The following GRIN3A variants were observed in gnomAD, a reference collection of about 807,000 sequenced individuals.
GRIN3A encodes glutamate receptor ionotropic, NMDA 3A.
GRIN3A carries 47 observed loss-of-function variants against 92.4 expected under a neutral mutation model. The ratio of observed to expected loss-of-function variants is 0.51; its 90% CI spans 0.40 to 0.65. The LOEUF (loss-of-function observed/expected upper bound fraction) is 0.65. Ranked by LOEUF, GRIN3A falls within the 30% of genes least tolerant of loss-of-function variation. The pLI, the probability that GRIN3A is intolerant of heterozygous loss-of-function variation, is 0.00. For missense variants in GRIN3A, 1,324 were observed against 1,393.1 expected (o/e 0.95, Z 0.79); for synonymous variants, 527 against 540.6 (o/e 0.97, Z 0.35).
chr9:101,658,098 G>GA (rs1411307396), intron 3 of GRIN3A, among the ~76,000 whole-genome samples: 2 of 151,882 alleles, frequency 1.3e-5, no homozygotes, highest in Non-Finnish European at 2.9e-5. Context: ...TAGTGAGTAG[G>GA]AATAATTTAT....
rs192407284 is a variant in GRIN3A at position 101,604,736 on chromosome 9, C to G, written c.2766+8640G>C. On this transcript the variant is annotated intron_variant, in intron 6 of 8. Coordinates refer to ENST00000361820, the MANE Select transcript of GRIN3A (RefSeq NM_133445.3). ...AATACTGCATTAAAACTGCCCTCCC[C>G]CACTGCCCTAACCATTCCCTTTGAG... is the stretch of plus-strand genomic sequence containing the variant. Among the ~76,000 whole-genome samples, 6 of 152,288 alleles carry G rather than the reference C, an allele frequency of 3.9e-5. No homozygotes were observed. In the East Asian group the frequency reaches 9.7e-4, roughly 25 times the overall value.
At chr9:101,665,797 A>G (rs1345124009) in intron 3 of GRIN3A, among the ~76,000 whole-genome samples, 3 of 152,004 alleles carry the variant, frequency 2.0e-5, no homozygotes, top group African/African-American at 7.2e-5. Context: ...TTTGAAAAAT[A>G]CTCAAAAAAT....
Position 101,623,325 on chromosome 9 carries a change from G to A in GRIN3A, c.2607C>T (p.Ala869=), listed in dbSNP as rs766307267. 6.2e-6 allele frequency: 10 copies of A among 1,604,226 alleles called. No individual in the cohort carries two copies. Among genetic ancestry groups the A allele is most frequent in the Non-Finnish European group, 6.8e-6 (8 of 1,171,052 alleles). ...AGAGTGACTGATTAATACCTTCTAT[G>A]GCAAATGGCTTCCCCACAGTGAGAA... is the stretch of plus-strand genomic sequence containing the variant. ...CKLLTVGKPF[A]IEGYGIGLPP... Residue 869 remains alanine (A), a synonymous_variant, in exon 5 of 9, where the codon GCC becomes GCT. Transcript: ENST00000361820.
chr9:101,634,348 A>AAG (rs1432538118), intron 3 of GRIN3A, among the ~76,000 whole-genome samples: 1 of 150,558 alleles, frequency 6.6e-6, no homozygotes, highest in African/African-American at 2.4e-5. Context: ...AAAAAAAAAA[A>AAG]AAAAGAAAAT....
At chr9:101,735,576 G>C (rs951012301) in intron 1 of GRIN3A, among the ~76,000 whole-genome samples, 2 of 151,826 alleles carry the variant, frequency 1.3e-5, no homozygotes, top group Admixed American at 6.6e-5. Context: ...TAAGACTCTT[G>C]CCAAACAATC....
intron 3 of GRIN3A, among the ~76,000 whole-genome samples, chr9:101,660,775 T>C (rs1230157734): frequency 6.6e-6 from 1 of 151,664 alleles, no homozygotes; most frequent in East Asian, 1.9e-4. Flanking sequence ...ACAGGGGTTT[T>C]TCTCCTATTT....
chr9:101,660,222 C>T (rs561103422), intron 3 of GRIN3A, among the ~76,000 whole-genome samples: 1 of 151,856 alleles, frequency 6.6e-6, no homozygotes, highest in East Asian at 1.9e-4. Context: ...ATCTCTGAGA[C>T]TCGGTTCCAC....
chr9:101,586,810 A>G (rs908478070), intron 6 of GRIN3A, among the ~76,000 whole-genome samples: 3 of 152,172 alleles, frequency 2.0e-5, no homozygotes, highest in African/African-American at 4.8e-5. Flanking sequence ...AGGCCAGTCA[A>G]TGTGAATCTG....
intron 2 of GRIN3A, among the ~76,000 whole-genome samples, chr9:101,683,865 AGAGAGAGAG>A (rs1829495788): frequency 6.6e-6 from 1 of 151,946 alleles, no homozygotes; most frequent in South Asian, 2.1e-4. Context: ...AGAGAGAGAG[AGAGAGAGAG>A]AGAGAGCGAG....
intron 2 of GRIN3A, among the ~76,000 whole-genome samples, 159 bp downstream of exon 2, chr9:101,686,437 C>A (rs1205801194): frequency 6.6e-6 from 1 of 152,118 alleles, no homozygotes; most frequent in Non-Finnish European, 1.5e-5. Flanking sequence ...GATAGCAGAT[C>A]ATGAAATACT....
chr9:101,602,290 G>GA (rs1427559675), intron 6 of GRIN3A, among the ~76,000 whole-genome samples: 1 of 152,132 alleles, frequency 6.6e-6, no homozygotes, highest in East Asian at 1.9e-4. Flanking sequence ...TTGTGAGAAA[G>GA]AAAAAAGATG....
chr9:101,657,460 A>G (rs1829105223), intron 3 of GRIN3A, among the ~76,000 whole-genome samples: 1 of 151,988 alleles, frequency 6.6e-6, no homozygotes, highest in Non-Finnish European at 1.5e-5. Flanking sequence ...AATAATGTAA[A>G]CAGTATTTCA....
chr9:101,688,193 T>C (rs753666738), intron 1 of GRIN3A, among the ~76,000 whole-genome samples: 6 of 152,182 alleles, frequency 3.9e-5, no homozygotes, highest in African/African-American at 9.6e-5. Flanking sequence ...CTCAGTAAAA[T>C]CTCAAGCCCT....
intron 3 of GRIN3A, among the ~76,000 whole-genome samples, chr9:101,651,670 T>TGGA (rs1829017357): frequency 8.8e-6 from 1 of 113,288 alleles, no homozygotes; most frequent in Admixed American, 9.6e-5. Flanking sequence ...GTGTGTGTGG[T>TGGA]CATTCTTTCA....
At chr9:101,692,702 C>T (rs1168226812) in intron 1 of GRIN3A, among the ~76,000 whole-genome samples, 1 of 152,176 alleles carries the variant, frequency 6.6e-6, no homozygotes, top group African/African-American at 2.4e-5. Context: ...AACAGGCTTT[C>T]TACACAGCTA....
intron 2 of GRIN3A, among the ~76,000 whole-genome samples, chr9:101,686,393 A>G (rs1224620585): frequency 6.6e-6 from 1 of 152,330 alleles, no homozygotes; most frequent in South Asian, 2.1e-4. Context: ...CTCCCACTAT[A>G]CCATGTACTT....
intron 3 of GRIN3A, among the ~76,000 whole-genome samples, chr9:101,657,797 A>T (rs1482461362): frequency 6.6e-6 from 1 of 151,894 alleles, no homozygotes; most frequent in Non-Finnish European, 1.5e-5. Flanking sequence ...TATCCAGAGG[A>T]TATATTCTTG....
At chr9:101,696,909 A>G (rs185432537) in intron 1 of GRIN3A, among the ~76,000 whole-genome samples, 4 of 152,296 alleles carry the variant, frequency 2.6e-5, no homozygotes, top group East Asian at 1.9e-4. Context: ...TCTCAATTCC[A>G]TACTCTCAAG....
intron 1 of GRIN3A, among the ~76,000 whole-genome samples, chr9:101,695,980 T>C (rs1372401604): frequency 6.6e-6 from 1 of 152,170 alleles, no homozygotes; most frequent in Non-Finnish European, 1.5e-5. Context: ...CCTTCATTAC[T>C]CCCTTGCACT....
Sources: gnomAD v4.1 joint callset for allele counts (sites outside exome capture counted in the v4.1 genomes callset) on GRCh38, gnomAD v4.1.1 for gene constraint, MANE v1.5 for transcripts, NCBI Gene and HGNC (gene_info 2026-07-23, HGNC 2026-07-21) for gene names.